The following SLC39A14 variants were observed in gnomAD, a reference collection of about 807,000 sequenced individuals.
SLC39A14 encodes the protein metal cation symporter ZIP14.
A neutral mutation model predicts 45.5 loss-of-function variants in SLC39A14; 19 were observed. The observed-to-expected ratio is 0.42, with a 90% CI of 0.29 to 0.61. SLC39A14 has a LOEUF of 0.61. SLC39A14 is among the 20% of genes least tolerant of loss of function. SLC39A14 has a pLI of 0.22. For synonymous variants in SLC39A14, 264 were observed against 251.3 expected, an observed-to-expected ratio of 1.05 and a Z score of -0.48; for missense variants, 447 against 616.5, an observed-to-expected ratio of 0.73 and a Z score of 2.91.
In SLC39A14 at chr8:22,412,291, G is replaced by T. The variant is rs1025135220; in HGVS notation, c.627+85G>T. ...CGTTTGGATAGAAGGCATAGAGAGG[G>T]CACCTGGAGGCCCTTTCCTTTTGGA... On this transcript the variant is annotated intron_variant, in intron 4 of 8. Coordinates refer to ENST00000381237, the MANE Select transcript of SLC39A14 (RefSeq NM_001128431.4). 6.6e-6 allele frequency: 9 copies of T among 1,359,176 alleles called. No individual in the cohort carries two copies. The African/African-American group carries it at 1.2e-4, about 18-fold the overall frequency. 84.2% of individuals were successfully genotyped at this position (1,359,176 alleles called of 1,614,324 possible).
chr8:22,409,911 A>G (rs867035527), intron 3 of SLC39A14: 2 of 1,611,736 alleles, frequency 1.2e-6, no homozygotes, highest in Middle Eastern at 3.7e-4. Flanking sequence ...CACCCTCAGT[A>G]ATAGAGGCCC....
In SLC39A14 at chr8:22,434,003, G is replaced by A. The variant is rs774489803; in HGVS notation, c.1445G>A (p.Ter482=). The change falls in exon 9 of 9, where the codon TGA becomes TAA. Residue 482 remains the stop codon, a stop_retained_variant. Coordinates refer to the SLC39A14 transcript ENST00000240095. The stretch of plus-strand genomic sequence containing the variant: ...TCCTGTCTAAGCCTCCCGAGTAACT[G>A]AGCCAGCCATGTTTGTTAATAAAAA... 6 of 379,570 alleles carry A rather than the reference G, an allele frequency of 1.6e-5. No individual in the cohort carries two copies. In the East Asian group the frequency reaches 5.1e-4, roughly 32 times the overall value. The allele number at this position is 379,570 out of a possible 1,614,324, so 23.5% of individuals were successfully genotyped here.
intron 1 of SLC39A14, among the ~76,000 whole-genome samples, chr8:22,389,482 C>T (rs1462598914): frequency 6.6e-6 from 1 of 151,628 alleles, no homozygotes; most frequent in Non-Finnish European, 1.5e-5. Flanking sequence ...AGGCTGGGGG[C>T]AGGTGGTCTT....
At chr8:22,430,233 C>G (rs1464117061) in intron 8 of SLC39A14, among the ~76,000 whole-genome samples, 2 of 152,044 alleles carry the variant, frequency 1.3e-5, no homozygotes, top group African/African-American at 4.8e-5. Context: ...ACCAGCCTGG[C>G]TAATTTAATT....
At chr8:22,381,428 G>T (rs926705244) in intron 1 of SLC39A14, among the ~76,000 whole-genome samples, 3 of 151,610 alleles carry the variant, frequency 2.0e-5, no homozygotes, top group Non-Finnish European at 4.4e-5. Context: ...CCGCCACCAG[G>T]CCTGGCTAAT....
In SLC39A14 at chr8:22,415,945, G is replaced by A. The variant is rs761936683; in HGVS notation, c.927G>A (p.Ser309=). ...TGGACGAGAAGGTCATTGTGGGCTC[G>A]CTCTCTGTGCAGGTCAGTGGGCCAC... is the stretch of plus-strand genomic sequence containing the variant. ...PMVDEKVIVG[S]LSVQDLQASQ... Residue 309 remains serine (S), a synonymous_variant, in exon 6 of 9, where the codon TCG becomes TCA. Coordinates refer to ENST00000381237, the MANE Select transcript of SLC39A14 (RefSeq NM_001128431.4). The A allele has an allele frequency of 1.4e-5, 22 of 1,604,718 alleles. No homozygotes were observed. Among genetic ancestry groups the A allele is most frequent in the African/African-American group, 4.0e-5 (3 of 74,676 alleles).
chr8:22,426,537 A>G (rs184249000), downstream of SLC39A14, among the ~76,000 whole-genome samples: 4 of 152,270 alleles, frequency 2.6e-5, no homozygotes, highest in East Asian at 7.7e-4. Flanking sequence ...AGATTTGTGG[A>G]ACACTGAGGT....
At position 22,421,498 on chromosome 8, in the gene SLC39A14, G is replaced by GGAT. The variant is rs376234210; in HGVS notation, c.*1801_*1803dup. ...AAATATCAGGACTGATTTCCTGGTG[G>GGAT]GATTATGGTCCAGTTTTACCAAAGA... On this transcript the variant is annotated 3_prime_UTR_variant, in exon 9 of 9. Transcript: ENST00000381237. 11 of 902,268 alleles carry GGAT rather than the reference G, an allele frequency of 1.2e-5. No individual in the cohort carries two copies. The highest frequency in any genetic ancestry group is 1.1e-5 in the Non-Finnish European group (9 of 789,956). The allele number at this position is 902,268 out of a possible 1,614,324, so 55.9% of individuals were successfully genotyped here.
intron 1 of SLC39A14, among the ~76,000 whole-genome samples, chr8:22,380,688 A>T (rs2132192160): frequency 6.6e-6 from 1 of 150,470 alleles, no homozygotes; most frequent in East Asian, 1.9e-4. Context: ...TTTTTTTTTA[A>T]CCCCCAGAGA....
At chr8:22,408,242 T>C (rs563235324) in intron 2 of SLC39A14, 68 bp from the exon 3 acceptor site, 1 of 1,396,684 alleles carries the variant, frequency 7.2e-7, no homozygotes, top group African/African-American at 1.4e-5. Flanking sequence ...GCTGAGTAGG[T>C]TGCTGTTTAG....
At chr8:22,390,142 A>G (rs548269385) in intron 1 of SLC39A14, 134 of 168,996 alleles carry the variant, frequency 7.9e-4, no homozygotes, top group Admixed American at 1.6e-3. Flanking sequence ...GGTGGGGAAC[A>G]CTGCAGACGC....
intron 1 of SLC39A14, among the ~76,000 whole-genome samples, chr8:22,398,007 A>G (rs1430248991): frequency 1.3e-5 from 2 of 152,118 alleles, no homozygotes; most frequent in African/African-American, 4.8e-5. Flanking sequence ...TCCCTGAGGA[A>G]TATGTGAGAA....
chr8:22,419,496 G>A (rs1027429359), intron 8 of SLC39A14, 56 bp from the exon 9 acceptor site: 40 of 1,538,912 alleles, frequency 2.6e-5, no homozygotes, highest in Non-Finnish European at 3.1e-5. Flanking sequence ...GAATTGCCCT[G>A]GACTTACAAG....
chr8:22,423,927 T>A, downstream of SLC39A14, among the ~76,000 whole-genome samples: 1 of 152,018 alleles, frequency 6.6e-6, no homozygotes, highest in East Asian at 1.9e-4. Flanking sequence ...TGCCTTAACC[T>A]TTTGAGTAGC....
chr8:22,411,972 G>A, intron 3 of SLC39A14, 65 bp from the exon 4 acceptor site: 5 of 1,446,846 alleles, frequency 3.5e-6, no homozygotes, highest in Non-Finnish European at 4.7e-6. Context: ...GGTGGTTGCT[G>A]TGCAATGGGG....
At chr8:22,376,572 G>A (rs950792404) in intron 1 of SLC39A14, among the ~76,000 whole-genome samples, 1 of 151,912 alleles carries the variant, frequency 6.6e-6, no homozygotes, top group African/African-American at 2.4e-5. Flanking sequence ...GTTTTCTGTT[G>A]TTGTTGTTTT....
At chr8:22,402,908 A>G (rs1366791855) in intron 1 of SLC39A14, among the ~76,000 whole-genome samples, 2 of 152,158 alleles carry the variant, frequency 1.3e-5, no homozygotes, top group Non-Finnish European at 2.9e-5. Flanking sequence ...AAATAAACCT[A>G]TGTCATATCA....
At chr8:22,409,368 G>A (rs568900001) in intron 3 of SLC39A14, among the ~76,000 whole-genome samples, 1 of 147,174 alleles carries the variant, frequency 6.8e-6, no homozygotes, top group East Asian at 2.2e-4. Context: ...TTACTTGTAT[G>A]GCTTTTTTTG....
intron 1 of SLC39A14, among the ~76,000 whole-genome samples, chr8:22,403,493 C>T (rs907413370): frequency 1.4e-5 from 2 of 145,658 alleles, no homozygotes; most frequent in Non-Finnish European, 1.5e-5. Flanking sequence ...GTTGGCTCAG[C>T]TGGTCTCGAA....
Sources: allele counts gnomAD v4.1 joint callset (sites outside exome capture counted in the v4.1 genomes callset), GRCh38; gene constraint gnomAD v4.1.1; transcripts MANE v1.5; gene names NCBI Gene and HGNC (gene_info 2026-07-23, HGNC 2026-07-21).